MALT1: variants seen among roughly 807,000 people sequenced by gnomAD.
MALT1 encodes the protein mucosa-associated lymphoid tissue lymphoma translocation protein 1.
MALT1 carries 36 observed loss-of-function variants against 85.5 expected under a neutral mutation model. That is an observed-to-expected ratio of 0.42 (90% CI 0.32 to 0.56). MALT1 has a LOEUF of 0.56. Among genes scored for constraint, MALT1 ranks in the 20% least tolerant of loss-of-function variants. MALT1 has a pLI of 0.10. For missense variants in MALT1, 716 were observed against 981.6 expected, an observed-to-expected ratio of 0.73 and a Z score of 3.62; for synonymous variants, 359 against 361.3, an observed-to-expected ratio of 0.99 and a Z score of 0.07.
Position 58,723,065 on chromosome 18 carries a change from C to T in MALT1, c.1036C>T (p.Leu346Phe). 1.2e-6 allele frequency: 2 copies of T among 1,613,424 alleles called. No homozygotes were observed. The highest frequency in any genetic ancestry group is 1.7e-6 in the Non-Finnish European group (2 of 1,179,740). Residue 346 changes from leucine to phenylalanine, a missense_variant, in exon 10 of 17, where the codon CTT (leucine) becomes TTT (phenylalanine). By Grantham distance (22) the Leu-to-Phe change is conservative. Coordinates refer to ENST00000649217, the MANE Select transcript of MALT1 (RefSeq NM_006785.4). ...DQPLAKDKVA[L>F]LIGNMNYREH... ...TTTCAAAGCGAAGGACAAGGTTGCC[C>T]TTTTGATAGGAAATATGAATTACCG...
chr18:58,735,857 C>T lies in MALT1; in HGVS notation c.1603+528C>T, dbSNP rs542000513. Among the ~76,000 whole-genome samples the T allele has an allele frequency of 2.0e-5, 3 of 152,276 alleles. No homozygotes were observed. In the South Asian group the frequency reaches 6.2e-4, roughly 32 times the overall value. On this transcript the variant is annotated intron_variant, in intron 13 of 16. Coordinates refer to ENST00000649217, the MANE Select transcript of MALT1 (RefSeq NM_006785.4). ...GGATGTGATCCTAGGGGGTCTAATGCCACATCTTCCATTTCTATCTGTTCT... is the reference window on the plus strand; with the variant it reads ...GGATGTGATCCTAGGGGGTCTAATGTCACATCTTCCATTTCTATCTGTTCT...
rs1390572186 is a variant in MALT1 at position 58,725,124 on chromosome 18, C to T, written c.1222+1873C>T. Among the ~76,000 whole-genome samples the T allele has an allele frequency of 6.8e-5, 10 of 146,166 alleles. 1 individual carries two copies. Among genetic ancestry groups the T allele is most frequent in the African/African-American group, 1.8e-4 (7 of 39,576 alleles). ...CAGCCTGGGTGACAGAGCAAGACTC[C>T]GTCTCAAAAAAAAAAAAAATAGAAT... On this transcript the variant is annotated intron_variant, in intron 10 of 16. Transcript: ENST00000649217.
At position 58,701,484 on chromosome 18, in the gene MALT1, T is replaced by A. The variant is rs146783812; in HGVS notation, c.649+893T>A. Among the ~76,000 whole-genome samples the A allele has an allele frequency of 1.4e-3, 211 of 152,346 alleles. 1 individual carries two copies. Among genetic ancestry groups the A allele is most frequent in the Admixed American group, 0.01 (159 of 15,302 alleles). On this transcript the variant is annotated intron_variant, in intron 4 of 16. Transcript: ENST00000649217. ...TCGTTGCATTGATTTTGAAATTATT[T>A]GTTTGCTAGCTGTCTGAGCAGTGTA...
rs141082519 is a variant in MALT1, at chr18:58,734,316, C to T, written c.1410C>T (p.Tyr470=). 1.4e-5 allele frequency: 23 copies of T among 1,611,762 alleles called. No individual in the cohort carries two copies. The African/African-American group carries it at 2.0e-4, about 14-fold the overall frequency. Residue 470 remains tyrosine (Y), a synonymous_variant, in exon 12 of 17, where the codon TAC becomes TAT. Transcript: ENST00000649217. ...LLDMCRKRND[Y]DDTIPILDAL... is the part of the protein sequence containing the mutation. ...CGCCTCCCTTAAATAGAAATGACTA[C>T]GATGATACCATTCCAATCTTGGATG...
At chr18:58,712,265 A>G (rs1352917678) in intron 7 of MALT1, among the ~76,000 whole-genome samples, 1 of 152,202 alleles carries the variant, frequency 6.6e-6, no homozygotes, top group Non-Finnish European at 1.5e-5. Flanking sequence ...TGAGAATTGC[A>G]TATGAACAGT....
intron 2 of MALT1, among the ~76,000 whole-genome samples, chr18:58,689,233 A>T (rs1485178489): frequency 6.7e-6 from 1 of 148,252 alleles, no homozygotes; most frequent in Non-Finnish European, 1.5e-5. Context: ...CTAGGTTTGC[A>T]TCCTGGTTCT....
At chr18:58,735,355 T>A in intron 13 of MALT1, 26 bp downstream of exon 13, 1 of 1,580,352 alleles carries the variant, frequency 6.3e-7, no homozygotes, top group African/African-American at 1.4e-5. Flanking sequence ...AAGAGAAAAG[T>A]ACTCAGAAAA....
intron 1 of MALT1, chr18:58,672,305 T>A: frequency 6.4e-6 from 1 of 155,288 alleles, no homozygotes; most frequent in Non-Finnish European, 1.4e-5. Flanking sequence ...ATGCAGAGGG[T>A]GGGGTGCAGG....
At chr18:58,674,869 CT>C (rs903109053) in intron 1 of MALT1, among the ~76,000 whole-genome samples, 10 of 152,046 alleles carry the variant, frequency 6.6e-5, no homozygotes, top group Non-Finnish European at 1.3e-4. Context: ...CTTCTCTTCA[CT>C]TTTTTTTCTG....
chr18:58,708,566 G>C (rs1377693878), intron 4 of MALT1, among the ~76,000 whole-genome samples: 1 of 152,184 alleles, frequency 6.6e-6, no homozygotes, highest in African/African-American at 2.4e-5. Flanking sequence ...ATTTGTGTGG[G>C]GTGGGAGGCA....
At chr18:58,737,397 G>A (rs12326801) in intron 13 of MALT1, among the ~76,000 whole-genome samples, 8,007 of 151,448 alleles carry the variant, frequency 0.053, 342 homozygotes, top group East Asian at 0.22. Context: ...TGGGAGGATT[G>A]CTCGAGCCTG....
intron 15 of MALT1, among the ~76,000 whole-genome samples, chr18:58,744,731 T>A (rs1335860192): frequency 6.6e-6 from 1 of 152,174 alleles, no homozygotes; most frequent in Non-Finnish European, 1.5e-5. Context: ...TAATTTCTTA[T>A]ATCCTAAACA....
intron 4 of MALT1, among the ~76,000 whole-genome samples, chr18:58,702,974 A>C (rs1408308067): frequency 6.6e-6 from 1 of 152,194 alleles, no homozygotes; most frequent in Admixed American, 6.5e-5. Flanking sequence ...GGAGGAAAAC[A>C]CTTTTTGTTA....
chr18:58,730,088 G>T (rs1383402710), intron 10 of MALT1, among the ~76,000 whole-genome samples: 1 of 152,180 alleles, frequency 6.6e-6, no homozygotes. Flanking sequence ...AGTTGTGGAC[G>T]TTAAAAATAA....
chr18:58,708,590 G>A (rs1188997913), intron 4 of MALT1, among the ~76,000 whole-genome samples: 1 of 152,204 alleles, frequency 6.6e-6, no homozygotes, highest in Non-Finnish European at 1.5e-5. Flanking sequence ...GGAAGGGACT[G>A]GGATGACCCA....
At chr18:58,715,339 T>A (rs2054883865) in intron 8 of MALT1, among the ~76,000 whole-genome samples, 1 of 152,144 alleles carries the variant, frequency 6.6e-6, no homozygotes, top group African/African-American at 2.4e-5. Context: ...ACCAAAAATT[T>A]AGGTTTAAAA....
In MALT1 at chr18:58,747,503, T is replaced by C; in HGVS notation, c.2136T>C (p.Ile712=). 3 of 1,613,994 alleles carry C rather than the reference T, an allele frequency of 1.9e-6. No individual in the cohort carries two copies. Among genetic ancestry groups the C allele is most frequent in the Non-Finnish European group, 2.5e-6 (3 of 1,179,852 alleles). ...KQEVNVGKPL[I]AKLDMHRGLG... ...AAGTGAATGTTGGGAAACCTCTCAT[T>C]GCTAAATTAGACATGCATCGAGGTT... The change falls in exon 17 of 17, where the codon ATT becomes ATC. Residue 712 remains isoleucine, a synonymous_variant. Coordinates refer to ENST00000649217, the MANE Select transcript of MALT1 (RefSeq NM_006785.4).
Position 58,696,231 on chromosome 18 carries a change from T to C in MALT1, c.377-135T>C, listed in dbSNP as rs532843738. 18 of 638,696 alleles carry C rather than the reference T, an allele frequency of 2.8e-5. No homozygotes were observed. In the East Asian group the frequency reaches 5.4e-4, roughly 19 times the overall value. 39.6% of individuals were successfully genotyped at this position (638,696 alleles called of 1,614,324 possible). On this transcript the variant is annotated intron_variant, in intron 2 of 16. Transcript: ENST00000649217. ...AAGTGTAAATTGATTGAGAAGGAGA[T>C]GTGAATGAGTGATTTATGACAAAGA...
At chr18:58,676,654 A>C (rs2144298468) in intron 1 of MALT1, among the ~76,000 whole-genome samples, 1 of 152,298 alleles carries the variant, frequency 6.6e-6, no homozygotes, top group Middle Eastern at 3.4e-3. Flanking sequence ...TACTTGCGTT[A>C]CCTCCACAAC....
Sources: allele counts gnomAD v4.1 joint callset (sites outside exome capture counted in the v4.1 genomes callset), GRCh38; gene constraint gnomAD v4.1.1; transcripts MANE v1.5; gene names NCBI Gene and HGNC (gene_info 2026-07-23, HGNC 2026-07-21).